The following NEURL1B variants were observed in gnomAD, a reference collection of about 807,000 sequenced individuals.
NEURL1B encodes the protein neuralized E3 ubiquitin protein ligase 1B, also known as E3 ubiquitin-protein ligase NEURL1B.
NEURL1B carries 13 observed loss-of-function variants against 37.4 expected under a neutral mutation model. The ratio of observed to expected loss-of-function variants is 0.35; its 90% CI spans 0.23 to 0.55. NEURL1B has a LOEUF of 0.55. Ranked by LOEUF, NEURL1B falls within the 20% of genes least tolerant of loss-of-function variation. The probability of loss-of-function intolerance (pLI) is 0.89; values close to 1 mark genes in which losing one functional copy is unlikely to be tolerated. For missense variants in NEURL1B, 790 were observed against 879.2 expected (o/e 0.90, Z 1.28); for synonymous variants, 432 against 426.6 (o/e 1.01, Z -0.16).
chr5:172,669,737 G>A lies in NEURL1B; in HGVS notation c.32-48G>A, dbSNP rs747560778. 202 of 1,204,864 alleles carry A rather than the reference G, an allele frequency of 1.7e-4. 2 individuals carry two copies. The highest frequency in any genetic ancestry group is 2.5e-5 in the Non-Finnish European group (24 of 954,386). 74.6% of individuals were successfully genotyped at this position (1,204,864 alleles called of 1,614,324 possible). The stretch of plus-strand genomic sequence containing the variant: ...GTTAAGTAAAGACCAATCGGGGCCC[G>A]CAGGAGTTCGGAGGAGGCCTAACCG... On this transcript the variant is annotated intron_variant, in intron 1 of 4. Transcript: ENST00000369800.
rs55663413 is a variant in NEURL1B, at chr5:172,667,275, T to TAAAA, written c.32-2492_32-2489dup. 4.8e-4 allele frequency among the ~76,000 whole-genome samples: 35 copies of TAAAA among 72,286 alleles called. 8 individuals carry two copies. Among genetic ancestry groups the TAAAA allele is most frequent in the Admixed American group, 1.6e-3 (10 of 6,224 alleles). 47.4% of individuals were successfully genotyped at this position (72,286 alleles called of 152,430 possible). On this transcript the variant is annotated intron_variant, in intron 1 of 4. Transcript: ENST00000369800. ...CAACATGGTGAAACCCTGTCTCTAC[T>TAAAA]AAAAAAAAAAAAAAAAAAAAATTAG...
chr5:172,679,810 C>T (rs115699007), intron 2 of NEURL1B, among the ~76,000 whole-genome samples: 4 of 152,316 alleles, frequency 2.6e-5, no homozygotes, highest in African/African-American at 9.6e-5. Context: ...ATCTCCAGGT[C>T]GCAGCCTGTT....
At chr5:172,677,742 G>A (rs1460119320) in intron 2 of NEURL1B, among the ~76,000 whole-genome samples, 3 of 152,064 alleles carry the variant, frequency 2.0e-5, no homozygotes, top group African/African-American at 7.2e-5. Context: ...CATGGTTCCT[G>A]TCATTTGTCT....
chr5:172,671,081 T>C (rs541092371), intron 2 of NEURL1B, among the ~76,000 whole-genome samples: 28 of 152,338 alleles, frequency 1.8e-4, no homozygotes, highest in South Asian at 1.5e-3. Flanking sequence ...ACAGCAACCA[T>C]TTTAAAGTGT....
rs1757992171 is a variant in NEURL1B at position 172,665,517 on chromosome 5, C to G, written c.32-4268C>G. Among the ~76,000 whole-genome samples the G allele has an allele frequency of 6.6e-6, 1 of 152,250 alleles. No individual in the cohort carries two copies. Among genetic ancestry groups the G allele is most frequent in the Non-Finnish European group, 1.5e-5 (1 of 68,032 alleles). On this transcript the variant is annotated intron_variant, in intron 1 of 4. Coordinates refer to ENST00000369800, the MANE Select transcript of NEURL1B (RefSeq NM_001142651.3). The surrounding 1 kb of genome is among the most constrained non-coding windows in gnomAD (Gnocchi z 4.1). Reference sequence around the variant, plus strand: ...GGCCGTGGCCCTGCTTTGCCAAAAGCCCTGTAGCGGCTCCCTCTTGCCCAT... The same window carrying G: ...GGCCGTGGCCCTGCTTTGCCAAAAGGCCTGTAGCGGCTCCCTCTTGCCCAT...
intron 1 of NEURL1B, among the ~76,000 whole-genome samples, chr5:172,668,789 GC>G (rs1758063812): frequency 6.6e-6 from 1 of 152,132 alleles, no homozygotes. Flanking sequence ...CCCAGGAACC[GC>G]CCCTAGGATG....
In NEURL1B at chr5:172,657,002, T is replaced by C. The variant is rs1015591629; in HGVS notation, c.32-12783T>C. Among the ~76,000 whole-genome samples the C allele has an allele frequency of 6.6e-6, 1 of 152,234 alleles. No individual in the cohort carries two copies. Among genetic ancestry groups the C allele is most frequent in the African/African-American group, 2.4e-5 (1 of 41,468 alleles). On this transcript the variant is annotated intron_variant, in intron 1 of 4. Coordinates refer to ENST00000369800, the MANE Select transcript of NEURL1B (RefSeq NM_001142651.3). The surrounding 1 kb of genome is among the most constrained non-coding windows in gnomAD (Gnocchi z 4.0). Reference sequence around the variant, plus strand: ...GGGATCTGTGCTCCCAAAATTGATCTGTGCAGTAGGACCAAATAGTCCTGC... The same window carrying C: ...GGGATCTGTGCTCCCAAAATTGATCCGTGCAGTAGGACCAAATAGTCCTGC...
chr5:172,658,129 T>C (rs1293533652), intron 1 of NEURL1B, among the ~76,000 whole-genome samples: 2 of 152,114 alleles, frequency 1.3e-5, no homozygotes, highest in Non-Finnish European at 2.9e-5. Context: ...GCACCCAGCC[T>C]TTCGGGGCCA....
At chr5:172,674,296 G>A (rs2113313599) in intron 2 of NEURL1B, among the ~76,000 whole-genome samples, 1 of 152,222 alleles carries the variant, frequency 6.6e-6, no homozygotes. Flanking sequence ...AGGGCTCGTA[G>A]GCCTCACATA....
At chr5:172,648,974 A>G (rs1484599414) in intron 1 of NEURL1B, among the ~76,000 whole-genome samples, 2 of 151,934 alleles carry the variant, frequency 1.3e-5, no homozygotes, top group African/African-American at 4.8e-5. Flanking sequence ...GGAAGCAAAG[A>G]CTCTCCAGCA....
At chr5:172,670,572 A>T (rs1291233347) in intron 2 of NEURL1B, among the ~76,000 whole-genome samples, 1 of 152,266 alleles carries the variant, frequency 6.6e-6, no homozygotes, top group Non-Finnish European at 1.5e-5. Flanking sequence ...ATTGGAACCC[A>T]CATGGTTTGA....
chr5:172,659,740 C>G (rs1156920349), intron 1 of NEURL1B, among the ~76,000 whole-genome samples: 1 of 152,118 alleles, frequency 6.6e-6, no homozygotes, highest in Non-Finnish European at 1.5e-5. Flanking sequence ...CCCACTCCAC[C>G]CTCCCCTCTC....
rs1038238805 is a variant in NEURL1B, at chr5:172,656,722, C to T, written c.32-13063C>T. The T allele has an allele frequency of 2.8e-6, 3 of 1,065,112 alleles. No homozygotes were observed. The Admixed American group carries it at 5.7e-5, about 20-fold the overall frequency. 66.0% of individuals were successfully genotyped at this position (1,065,112 alleles called of 1,614,324 possible). ...CCTTCGCGGCCGGACATGGCGCCTG[C>T]CGCCGCTTCCCCAGAAGTTAAGTTT... On this transcript the variant is annotated intron_variant, in intron 1 of 4. Coordinates refer to ENST00000369800, the MANE Select transcript of NEURL1B (RefSeq NM_001142651.3).
intron 1 of NEURL1B, among the ~76,000 whole-genome samples, chr5:172,664,604 A>G (rs1757974285): frequency 6.6e-6 from 1 of 152,240 alleles, no homozygotes; most frequent in African/African-American, 2.4e-5. Context: ...TCTCCAAACT[A>G]GGATGATCCG....
intron 2 of NEURL1B, among the ~76,000 whole-genome samples, chr5:172,674,223 C>T (rs1006067161): frequency 1.3e-5 from 2 of 152,178 alleles, no homozygotes; most frequent in African/African-American, 4.8e-5. Context: ...GAAGCATCCA[C>T]CCCATCTTGT....
Position 172,686,883 on chromosome 5 carries a change from C to T in NEURL1B, c.1626C>T (p.Cys542=). ...KRQARACCPI[C]RRPIKDVIKI... ...AGGCCCGGGCCTGCTGCCCCATCTG[C>T]CGGCGGCCCATCAAGGACGTCATTA... Residue 542 remains cysteine, a synonymous_variant, in exon 5 of 5, where the codon TGC becomes TGT. Coordinates refer to ENST00000369800, the MANE Select transcript of NEURL1B (RefSeq NM_001142651.3). The surrounding 1 kb of genome is among the most constrained non-coding windows in gnomAD (Gnocchi z 7.9). The T allele has an allele frequency of 6.5e-7, 1 of 1,550,350 alleles. No individual in the cohort carries two copies.
chr5:172,679,883 C>G (rs1163404396), intron 2 of NEURL1B, among the ~76,000 whole-genome samples: 1 of 152,156 alleles, frequency 6.6e-6, no homozygotes, highest in African/African-American at 2.4e-5. Flanking sequence ...AGAATCCCAG[C>G]TCTGTCACTC....
chr5:172,653,271 A>G (rs1757702449), intron 1 of NEURL1B, among the ~76,000 whole-genome samples: 1 of 151,998 alleles, frequency 6.6e-6, no homozygotes, highest in Non-Finnish European at 1.5e-5. Flanking sequence ...TTCCTTTAGC[A>G]CCTGTTTTTT....
At chr5:172,666,893 A>T (rs1167167833) in intron 1 of NEURL1B, among the ~76,000 whole-genome samples, 1 of 152,180 alleles carries the variant, frequency 6.6e-6, no homozygotes. Flanking sequence ...GAGCTTGGGC[A>T]GACCCCTCTC....
Sources: allele counts gnomAD v4.1 joint callset (sites outside exome capture counted in the v4.1 genomes callset), GRCh38; gene constraint gnomAD v4.1.1; non-coding constraint Gnocchi (gnomAD v3.1); transcripts MANE v1.5; gene names NCBI Gene and HGNC (gene_info 2026-07-23, HGNC 2026-07-21).